The following P4HA1 variants were observed in gnomAD, a reference collection of about 807,000 sequenced individuals.
P4HA1 encodes the protein prolyl 4-hydroxylase subunit alpha 1.
In P4HA1, 24 loss-of-function variants were observed where a neutral mutation model predicts 72.8. The ratio of observed to expected loss-of-function variants is 0.33; its 90% confidence interval spans 0.24 to 0.46. The LOEUF (loss-of-function observed/expected upper bound fraction) is 0.46, where lower values mean the gene tolerates loss of function less well. P4HA1 is among the 20% of genes least tolerant of loss of function. The pLI is 1.00. For synonymous variants in P4HA1, 201 were observed against 218.8 expected (o/e 0.92, Z 0.72); for missense variants, 446 against 640.6 (o/e 0.70, Z 3.28).
rs1434539960 is a variant in P4HA1 at position 73,060,271 on chromosome 10, GATATAA to G, written c.464-6687_464-6682del. 4.6e-4 allele frequency among the ~76,000 whole-genome samples: 70 copies of G among 152,252 alleles called. No homozygotes were observed. In the South Asian group the frequency reaches 0.014, roughly 31 times the overall value. On this transcript the variant is annotated intron_variant, in intron 5 of 14. Transcript: ENST00000394890. ...GGAACCAAATTTTCAGAAGAAAAGA[GATATAA>G]ATATAAACCCTGTGGTTTTCAATTT...
intron 1 of P4HA1, among the ~76,000 whole-genome samples, chr10:73,083,452 T>C (rs2133154555): frequency 1.3e-5 from 2 of 152,330 alleles, no homozygotes; most frequent in South Asian, 4.1e-4. Context: ...ATATTAGAAG[T>C]CAGCTCTAAG....
chr10:73,038,776 G>A (rs1296228469), intron 9 of P4HA1, among the ~76,000 whole-genome samples: 1 of 136,978 alleles, frequency 7.3e-6, no homozygotes, highest in Non-Finnish European at 1.5e-5. Context: ...ACAGGCGCCC[G>A]CCACTACGCC....
chr10:73,076,707 A>G lies in P4HA1; in HGVS notation c.-32-1792T>C, dbSNP rs77781386. ...CTTCTCTTGCTCCTTCTCCCCTACA[A>G]ACATGAACTTTGTCTTTCTTATTAC... is the stretch of plus-strand genomic sequence containing the variant. On this transcript the variant is annotated intron_variant, in intron 1 of 14. Coordinates refer to ENST00000394890, the MANE Select transcript of P4HA1 (RefSeq NM_001017962.3). Among the ~76,000 whole-genome samples the G allele has an allele frequency of 4.2e-4, 64 of 152,136 alleles. No homozygotes were observed. The East Asian group carries it at 0.011, about 25-fold the overall frequency.
Position 73,072,192 on chromosome 10 carries a change from A to T in P4HA1, c.174-12T>A. On this transcript the variant is annotated splice_polypyrimidine_tract_variant and intron_variant, in intron 3 of 14. Transcript: ENST00000394890. ...ACTTCTCTGCCCATCTACAGATGTA[A>T]AACATAAAAACTGAATATTTATATT... The T allele has an allele frequency of 6.3e-7, 1 of 1,590,762 alleles. No homozygotes were observed.
chr10:73,075,922 G>A (rs1281769430), intron 1 of P4HA1, among the ~76,000 whole-genome samples: 1 of 152,038 alleles, frequency 6.6e-6, no homozygotes, highest in Non-Finnish European at 1.5e-5. Context: ...ATCAAAAGTT[G>A]TAGATTTGGG....
chr10:73,030,816 C>G (rs1042571651), intron 9 of P4HA1, among the ~76,000 whole-genome samples: 1 of 152,086 alleles, frequency 6.6e-6, no homozygotes, highest in African/African-American at 2.4e-5. Flanking sequence ...CTGCTTACTG[C>G]TTAAGTTTTG....
Position 73,030,325 on chromosome 10 carries a change from A to G in P4HA1, c.1194T>C (p.Asn398=). Residue 398 remains asparagine, a synonymous_variant, in exon 10 of 15, where the codon AAT becomes AAC. Coordinates refer to ENST00000394890, the MANE Select transcript of P4HA1 (RefSeq NM_001017962.3). ...GTCCTGTTAGATCTTGTATTCTCAT[A>G]TTAATTCGAGACACCACAGGATTTT... The part of the protein sequence containing the change: ...GYENPVVSRI[N]MRIQDLTGLD... 6.3e-7 allele frequency: 1 copy of G among 1,583,842 alleles called. No homozygotes were observed.
chr10:73,049,429 T>C (rs907360477), intron 7 of P4HA1, among the ~76,000 whole-genome samples: 1 of 152,226 alleles, frequency 6.6e-6, no homozygotes. Context: ...TAATACCACA[T>C]GAAATTCCTT....
chr10:73,014,289 T>C lies in P4HA1; in HGVS notation c.1303A>G (p.Lys435Glu), dbSNP rs1554837439. The change falls in exon 12 of 15, where the codon AAA becomes GAA. Residue 435 changes from lysine to glutamate, a missense_variant and splice_region_variant. By Grantham distance (56) the Lys-to-Glu change is moderately conservative (BLOSUM62 1). Transcript: ENST00000394890. ...QYEPHFDFAR[K>E]DEPDAFKELG... is the part of the protein sequence containing the mutation. ...TCTTTGAAAGCATCTGGCTCATCTTTCTGTGAATAAAAACACAGTAAATTC... is the reference window on the plus strand; with the variant it reads ...TCTTTGAAAGCATCTGGCTCATCTTCCTGTGAATAAAAACACAGTAAATTC... 3 of 1,609,816 alleles carry C rather than the reference T, an allele frequency of 1.9e-6. No individual in the cohort carries two copies. Among genetic ancestry groups the C allele is most frequent in the Non-Finnish European group, 2.6e-6 (3 of 1,176,212 alleles).
At chr10:73,039,189 T>G (rs1428961005) in intron 9 of P4HA1, among the ~76,000 whole-genome samples, 1 of 151,800 alleles carries the variant, frequency 6.6e-6, no homozygotes, top group Non-Finnish European at 1.5e-5. Context: ...GAGACTGAGG[T>G]AGGAAGATCA....
In P4HA1 at chr10:73,093,905, T is replaced by C. The variant is rs1221178882; in HGVS notation, c.-33+2861A>G. ...ATATATATATATATATATATATATA[T>C]ATACACACACACACACACACACATA... On this transcript the variant is annotated intron_variant, in intron 1 of 14. Transcript: ENST00000394890. 2.2e-3 allele frequency among the ~76,000 whole-genome samples: 167 copies of C among 75,638 alleles called. 1 individual carries two copies. Among genetic ancestry groups the C allele is most frequent in the African/African-American group, 6.7e-3 (103 of 15,280 alleles). The allele number at this position is 75,638 out of a possible 152,430, so 49.6% of individuals were successfully genotyped here.
rs10700344 is a variant in P4HA1, at chr10:73,089,710, T to TAAAAAAAAAAAAAAAAAAAAAA, written c.-33+7055_-33+7056insTTTTTTTTTTTTTTTTTTTTTT. On this transcript the variant is annotated intron_variant, in intron 1 of 14. Coordinates refer to ENST00000394890, the MANE Select transcript of P4HA1 (RefSeq NM_001017962.3). ...CTGAGTGTAAGGAGATTCCCCGTGC[T>TAAAAAAAAAAAAAAAAAAAAAA]AAAAAAAAAAAAAAAAAGCGTATAT... Among the ~76,000 whole-genome samples the TAAAAAAAAAAAAAAAAAAAAAA allele has an allele frequency of 2.1e-5, 2 of 95,902 alleles. 1 individual carries two copies. Among genetic ancestry groups the TAAAAAAAAAAAAAAAAAAAAAA allele is most frequent in the Non-Finnish European group, 4.5e-5 (2 of 44,942 alleles). The allele number at this position is 95,902 out of a possible 152,430, so 62.9% of individuals were successfully genotyped here. A position where few individuals can be genotyped will look rare whatever the true frequency, so the allele number is the denominator to read the frequency against.
rs143518829 is a variant in P4HA1 at position 73,023,760 on chromosome 10, T to C, written c.1248+6511A>G. ...CACATCTCATGTGCAGAGACACACA[T>C]AGGCTCAAAATAAAGGGATGGAGGA... On this transcript the variant is annotated intron_variant, in intron 10 of 14. Transcript: ENST00000394890. Among the ~76,000 whole-genome samples the C allele has an allele frequency of 3.0e-4, 41 of 135,394 alleles. 1 individual carries two copies. The East Asian group carries it at 7.9e-3, about 26-fold the overall frequency. The allele number at this position is 135,394 out of a possible 152,430, so 88.8% of individuals were successfully genotyped here. A position where few individuals can be genotyped will look rare whatever the true frequency, so the allele number is the denominator to read the frequency against.
At chr10:73,037,796 T>C (rs1245092391) in intron 9 of P4HA1, among the ~76,000 whole-genome samples, 1 of 150,534 alleles carries the variant, frequency 6.6e-6, no homozygotes, top group Non-Finnish European at 1.5e-5. Context: ...GTACCACAGT[T>C]CAACCCATTA....
chr10:73,087,662 CTTT>C (rs1030363204), intron 1 of P4HA1, among the ~76,000 whole-genome samples: 3 of 151,812 alleles, frequency 2.0e-5, no homozygotes, highest in African/African-American at 4.8e-5. Context: ...AGGTTGTTTA[CTTT>C]TTTTAATAGA....
At chr10:73,020,334 C>T (rs1378437339) in intron 10 of P4HA1, among the ~76,000 whole-genome samples, 1 of 151,860 alleles carries the variant, frequency 6.6e-6, no homozygotes, top group African/African-American at 2.4e-5. Flanking sequence ...ACACAACCTC[C>T]CAAGACTGAA....
chr10:73,092,346 C>CTTTTTTTTT (rs1157972087), intron 1 of P4HA1, among the ~76,000 whole-genome samples: 1 of 112,368 alleles, frequency 8.9e-6, no homozygotes, highest in African/African-American at 3.4e-5. Context: ...TTTTTCTTTT[C>CTTTTTTTTT]TTTTTTTTTT....
chr10:73,096,181 G>A (rs756222678), intron 1 of P4HA1, among the ~76,000 whole-genome samples: 2 of 152,218 alleles, frequency 1.3e-5, no homozygotes, highest in Non-Finnish European at 2.9e-5. Flanking sequence ...GGCAGCTAAT[G>A]CTGCACCGCT....
intron 5 of P4HA1, among the ~76,000 whole-genome samples, chr10:73,057,330 A>G (rs1841175167): frequency 6.6e-6 from 1 of 151,898 alleles, no homozygotes; most frequent in Non-Finnish European, 1.5e-5. Context: ...CTCTACTAAA[A>G]ATACAAAAAA....
Sources: gnomAD v4.1 joint callset for allele counts (sites outside exome capture counted in the v4.1 genomes callset) on GRCh38, gnomAD v4.1.1 for gene constraint, MANE v1.5 for transcripts, NCBI Gene and HGNC (gene_info 2026-07-23, HGNC 2026-07-21) for gene names.